The following UGT1A8 variants were observed in gnomAD, a reference collection of about 807,000 sequenced individuals.
The protein encoded by UGT1A8 is UDP-glucuronosyltransferase 1A8.
A neutral mutation model predicts 45.3 loss-of-function variants in UGT1A8; 39 were observed. The observed-to-expected ratio is 0.86, with a 90% CI of 0.67 to 1.12. The LOEUF is 1.12. Ranked by LOEUF, UGT1A8 falls within the 50% of genes most tolerant of loss-of-function variation. The pLI, the probability that UGT1A8 is intolerant of heterozygous loss-of-function variation, is 0.00. For missense variants in UGT1A8, 719 were observed against 664.9 expected (o/e 1.08, Z -0.90); for synonymous variants, 275 against 249.2 (o/e 1.10, Z -0.97).
At chr2:233,642,371 T>C (rs2073474744) in intron 1 of UGT1A8, among the ~76,000 whole-genome samples, 1 of 152,224 alleles carries the variant, frequency 6.6e-6, no homozygotes, top group Admixed American at 6.5e-5. Context: ...TTTCTAATGA[T>C]TTCAATCTCT....
intron 1 of UGT1A8, among the ~76,000 whole-genome samples, chr2:233,753,838 G>A (rs1367023028): frequency 6.6e-6 from 1 of 152,204 alleles, no homozygotes; most frequent in African/African-American, 2.4e-5. Flanking sequence ...GACAGTCCTA[G>A]TATATCATTG....
At chr2:233,724,307 C>CCCGGACGGGGCGGCTGG (rs2077215431) in intron 1 of UGT1A8, among the ~76,000 whole-genome samples, 2 of 146,974 alleles carry the variant, frequency 1.4e-5, no homozygotes, top group African/African-American at 5.0e-5. Context: ...CCACCTCCCT[C>CCCGGACGGGGCGGCTGG]CCGGACGGGG....
intron 1 of UGT1A8, among the ~76,000 whole-genome samples, chr2:233,730,881 T>C (rs2078083479): frequency 6.6e-6 from 1 of 152,122 alleles, no homozygotes. Context: ...CAGGTTTCTA[T>C]AGTGGGATCT....
intron 1 of UGT1A8, among the ~76,000 whole-genome samples, chr2:233,696,838 AC>A (rs1481479612): frequency 6.6e-6 from 1 of 152,124 alleles, no homozygotes; most frequent in Non-Finnish European, 1.5e-5. Context: ...TCATAAAGGG[AC>A]GTTGAATTTT....
chr2:233,753,193 A>G (rs1695148860), intron 1 of UGT1A8: 1 of 152,208 alleles, frequency 6.6e-6, no homozygotes, highest in Admixed American at 6.5e-5. Context: ...ATTTTTCAAA[A>G]GCCCTGACAG....
chr2:233,668,207 A>G (rs1466541620), intron 1 of UGT1A8, among the ~76,000 whole-genome samples: 1 of 150,396 alleles, frequency 6.6e-6, no homozygotes, highest in Admixed American at 6.6e-5. Context: ...CCTCCCCCAT[A>G]CCCCCACCTC....
At chr2:233,740,826 G>C (rs1278219127) in intron 1 of UGT1A8, 2 of 151,802 alleles carry the variant, frequency 1.3e-5, no homozygotes, top group Non-Finnish European at 2.9e-5. Flanking sequence ...TTTGAGCTGA[G>C]ACATTTTAAA....
chr2:233,731,781 A>G (rs2078203894), intron 1 of UGT1A8, among the ~76,000 whole-genome samples: 1 of 152,164 alleles, frequency 6.6e-6, no homozygotes, highest in Admixed American at 6.5e-5. Context: ...ATCATTTATA[A>G]TCGTTTGGGT....
chr2:233,710,257 T>G (rs1404834948), intron 1 of UGT1A8, among the ~76,000 whole-genome samples: 1 of 152,232 alleles, frequency 6.6e-6, no homozygotes, highest in Admixed American at 6.5e-5. Context: ...TTTCTGAGAT[T>G]TCATTTTTCT....
At chr2:233,632,307 T>G (rs534586900) in intron 1 of UGT1A8, among the ~76,000 whole-genome samples, 145 of 152,322 alleles carry the variant, frequency 9.5e-4, no homozygotes, top group African/African-American at 3.4e-3. Flanking sequence ...AGGATTGTCT[T>G]GGATATACAG....
Position 233,650,987 on chromosome 2 carries a change from C to T in UGT1A8, c.855+32425C>T, listed in dbSNP as rs373167857. On this transcript the variant is annotated intron_variant, in intron 1 of 4. Transcript: ENST00000373450. ...TTGTAACACAGTTGTATGTCTCACA[C>T]ATCGGCAGCTGTTTGGTAAAGGATT... Among the ~76,000 whole-genome samples the T allele has an allele frequency of 3.3e-5, 5 of 152,308 alleles. No individual in the cohort carries two copies. In the East Asian group the frequency reaches 9.6e-4, roughly 29 times the overall value.
In UGT1A8 at chr2:233,772,954, T is replaced by C; in HGVS notation, c.*395T>C. 6.3e-6 allele frequency: 2 copies of C among 319,870 alleles called. No individual in the cohort carries two copies. Among genetic ancestry groups the C allele is most frequent in the Non-Finnish European group, 1.2e-5 (2 of 168,958 alleles). 19.8% of individuals were successfully genotyped at this position (319,870 alleles called of 1,614,324 possible). ...CTTATCTTTTGGCTTCTGCAGATGG[T>C]TGCAATTGATCCTTAACCAATAATG... On this transcript the variant is annotated 3_prime_UTR_variant, in exon 5 of 5. Transcript: ENST00000373450.
chr2:233,636,406 T>A, intron 1 of UGT1A8: 1 of 1,447,742 alleles, frequency 6.9e-7, no homozygotes, highest in Non-Finnish European at 9.1e-7. Flanking sequence ...TTTTTTTTTT[T>A]ATGAAAGGAT....
intron 1 of UGT1A8, among the ~76,000 whole-genome samples, chr2:233,674,739 T>G (rs1327619625): frequency 6.6e-6 from 1 of 152,192 alleles, no homozygotes; most frequent in Non-Finnish European, 1.5e-5. Flanking sequence ...TTACATATAT[T>G]AATGTATGTA....
At chr2:233,750,039 G>A (rs1434781604) in intron 1 of UGT1A8, among the ~76,000 whole-genome samples, 1 of 151,888 alleles carries the variant, frequency 6.6e-6, no homozygotes, top group East Asian at 1.9e-4. Flanking sequence ...AAAGATACTT[G>A]AAAATGTGGA....
At chr2:233,765,695 ATAATAATAATAATAAT>A (rs1033390367) in intron 1 of UGT1A8, among the ~76,000 whole-genome samples, 7 of 145,802 alleles carry the variant, frequency 4.8e-5, no homozygotes, top group Admixed American at 1.4e-4. Flanking sequence ...CTTCAAGTAA[ATAATAATAATAATAAT>A]TAATAATAAT....
intron 1 of UGT1A8, among the ~76,000 whole-genome samples, chr2:233,633,042 G>A (rs925647253): frequency 6.6e-6 from 1 of 152,110 alleles, no homozygotes; most frequent in African/African-American, 2.4e-5. Flanking sequence ...TTGGCATGAA[G>A]TGCTGTTGAA....
intron 1 of UGT1A8, chr2:233,747,274 A>G: frequency 6.3e-7 from 1 of 1,599,206 alleles, no homozygotes; most frequent in Admixed American, 1.7e-5. Flanking sequence ...ACTCCTTCTC[A>G]GTGCCCAGCC....
At chr2:233,754,206 T>C (rs1220915682) in intron 1 of UGT1A8, 1 of 163,280 alleles carries the variant, frequency 6.1e-6, no homozygotes, top group Admixed American at 5.7e-5. Context: ...AACATTGAAG[T>C]CAAATGATTT....
Sources: gnomAD v4.1 joint callset for allele counts (sites outside exome capture counted in the v4.1 genomes callset) on GRCh38, gnomAD v4.1.1 for gene constraint, MANE v1.5 for transcripts, NCBI Gene and HGNC (gene_info 2026-07-23, HGNC 2026-07-21) for gene names.